Variants in ITPR1 observed in about 807,000 individuals in gnomAD.
ITPR1 encodes inositol 1,4,5-trisphosphate receptor type 1, also known as inositol 1,4,5-trisphosphate-gated calcium channel ITPR1.
ITPR1 carries 96 observed loss-of-function variants against 318.4 expected under a neutral mutation model. The ratio of observed to expected loss-of-function variants is 0.30; its 90% CI spans 0.26 to 0.36. The LOEUF is 0.36. ITPR1 is among the 10% of genes least tolerant of loss of function. ITPR1 has a pLI of 1.00. For missense variants in ITPR1, 2,440 were observed against 3,460.2 expected, an observed-to-expected ratio of 0.71 and a Z score of 7.40; for synonymous variants, 1,312 against 1,289.9, an observed-to-expected ratio of 1.02 and a Z score of -0.37.
intron 46 of ITPR1, among the ~76,000 whole-genome samples, chr3:4,769,952 G>A (rs2046079958): frequency 2.0e-5 from 3 of 152,192 alleles, no homozygotes. Flanking sequence ...GCTTTTGCCT[G>A]GGTTTGTTGC....
chr3:4,560,070 A>G (rs930787461), intron 4 of ITPR1, among the ~76,000 whole-genome samples: 1 of 152,222 alleles, frequency 6.6e-6, no homozygotes, highest in East Asian at 1.9e-4. Flanking sequence ...AATGGAGAAA[A>G]TAGTCCTGGC....
chr3:4,637,311 C>A (rs2125145165), intron 5 of ITPR1, among the ~76,000 whole-genome samples: 1 of 152,302 alleles, frequency 6.6e-6, no homozygotes, highest in South Asian at 2.1e-4. Flanking sequence ...AGCCTTCATT[C>A]CAAATGGATG....
chr3:4,532,237 G>C (rs749631142), intron 4 of ITPR1, among the ~76,000 whole-genome samples: 14 of 152,202 alleles, frequency 9.2e-5, no homozygotes, highest in Non-Finnish European at 2.1e-4. Flanking sequence ...AATGAATGAA[G>C]AGAGACCTCT....
At chr3:4,808,573 G>A (rs1363325195) in intron 55 of ITPR1, among the ~76,000 whole-genome samples, 1 of 152,158 alleles carries the variant, frequency 6.6e-6, no homozygotes, top group Non-Finnish European at 1.5e-5. Flanking sequence ...CTTTGCGGGG[G>A]GATTTTCTAA....
At chr3:4,774,817 G>A (rs753313967) in intron 46 of ITPR1, among the ~76,000 whole-genome samples, 5 of 152,206 alleles carry the variant, frequency 3.3e-5, no homozygotes, top group Admixed American at 6.5e-5. Flanking sequence ...TGTCCCTAGT[G>A]CTGGGCTCCG....
intron 4 of ITPR1, among the ~76,000 whole-genome samples, chr3:4,569,840 C>G (rs919822556): frequency 3.3e-5 from 5 of 152,164 alleles, no homozygotes; most frequent in African/African-American, 1.2e-4. Flanking sequence ...TTTTGAAGAG[C>G]AGTTGTTGAA....
intron 42 of ITPR1, among the ~76,000 whole-genome samples, chr3:4,732,330 A>G (rs1462551395): frequency 6.6e-6 from 1 of 152,236 alleles, no homozygotes; most frequent in African/African-American, 2.4e-5. Flanking sequence ...AAAAGGAGTC[A>G]GAAAGGTTTT....
chr3:4,708,952 T>C (rs765109457), intron 37 of ITPR1, among the ~76,000 whole-genome samples: 2 of 152,234 alleles, frequency 1.3e-5, no homozygotes, highest in Non-Finnish European at 2.9e-5. Context: ...CTGAATGCTA[T>C]ACATTTGACA....
rs2050062985 is a variant in ITPR1 at position 4,826,157 on chromosome 3, C to A, written c.8028+7915C>A. On this transcript the variant is annotated intron_variant, in intron 60 of 61. Coordinates refer to ENST00000649015, the MANE Select transcript of ITPR1 (RefSeq NM_001378452.1). This position sits in a 1 kb window ranked among gnomAD's most constrained non-coding sequence, Gnocchi z 4.2. Reference sequence around the variant, plus strand: ...GCTGTTGATAAAGTGCCGTGGACACCTTCTGCTTCGTGCAGATGCACGATG... The same window carrying A: ...GCTGTTGATAAAGTGCCGTGGACACATTCTGCTTCGTGCAGATGCACGATG... 6.6e-6 allele frequency among the ~76,000 whole-genome samples: 1 copy of A among 152,250 alleles called. No homozygotes were observed. The highest frequency in any genetic ancestry group is 6.5e-5 in the Admixed American group (1 of 15,290).
Position 4,518,162 on chromosome 3 carries a change from C to T in ITPR1, c.92+1579C>T, listed in dbSNP as rs550321716. ...CTTCCTTGTCTGCCCGCAGCTCTCC[C>T]TCCTCCTTGACTGTGCACAGCCCCT... On this transcript the variant is annotated intron_variant, in intron 3 of 61. Coordinates refer to ENST00000649015, the MANE Select transcript of ITPR1 (RefSeq NM_001378452.1). 1.1e-4 allele frequency among the ~76,000 whole-genome samples: 16 copies of T among 152,276 alleles called. No homozygotes were observed. The South Asian group carries it at 3.1e-3, about 30-fold the overall frequency.
intron 53 of ITPR1, among the ~76,000 whole-genome samples, chr3:4,798,760 A>G (rs1383382316): frequency 1.3e-5 from 2 of 152,266 alleles, no homozygotes; most frequent in African/African-American, 4.8e-5. Context: ...TAAAAAGTAC[A>G]AAGTATCAAT....
At chr3:4,627,903 A>G in intron 5 of ITPR1, 25 bp downstream of exon 5, 2 of 1,473,524 alleles carry the variant, frequency 1.4e-6, no homozygotes, top group Non-Finnish European at 1.9e-6. Context: ...GGGGCTGTCG[A>G]TGGGGCAGTA....
At chr3:4,777,145 C>T in intron 47 of ITPR1, 119 bp from the exon 48 acceptor site, 2 of 613,194 alleles carry the variant, frequency 3.3e-6, no homozygotes, top group Non-Finnish European at 5.8e-6. Context: ...GCAGCTCTCC[C>T]CTAGAGACAT....
intron 49 of ITPR1, among the ~76,000 whole-genome samples, chr3:4,781,163 C>T (rs1336726517): frequency 3.3e-5 from 5 of 152,192 alleles, no homozygotes; most frequent in Admixed American, 1.3e-4. Context: ...TTGTCTCCAC[C>T]GTTACTTCCA....
intron 11 of ITPR1, among the ~76,000 whole-genome samples, chr3:4,653,022 G>A (rs1447858928): frequency 2.6e-5 from 4 of 152,166 alleles, no homozygotes; most frequent in East Asian, 1.9e-4. Flanking sequence ...TTGAGGAGAC[G>A]AAAGACTCAA....
chr3:4,641,767 C>G (rs1335100096), intron 6 of ITPR1, among the ~76,000 whole-genome samples: 1 of 152,232 alleles, frequency 6.6e-6, no homozygotes, highest in Admixed American at 6.5e-5. Context: ...AGTTCCTTAG[C>G]CCGTTCACAT....
chr3:4,792,315 A>G lies in ITPR1; in HGVS notation c.6809-2750A>G, dbSNP rs534128362. On this transcript the variant is annotated intron_variant, in intron 52 of 61. Transcript: ENST00000649015. ...AAGTTCTAATGATTCACATGTCAAC[A>G]TGTTGGAGGGGGGCACGTTATTTGG... 3.9e-5 allele frequency among the ~76,000 whole-genome samples: 6 copies of G among 152,334 alleles called. No homozygotes were observed. The South Asian group carries it at 1.2e-3, about 32-fold the overall frequency.
chr3:4,784,552 G>A (rs1421919440), intron 51 of ITPR1, among the ~76,000 whole-genome samples: 2 of 150,632 alleles, frequency 1.3e-5, no homozygotes, highest in South Asian at 4.2e-4. Context: ...ATTACAATCA[G>A]ATCTGTGTTT....
chr3:4,682,573 A>G (rs1192236210), intron 26 of ITPR1, among the ~76,000 whole-genome samples: 1 of 152,206 alleles, frequency 6.6e-6, no homozygotes, highest in East Asian at 1.9e-4. Context: ...ATGTACTATG[A>G]TGGAAGATGT....
Sources: gnomAD v4.1 joint callset for allele counts (sites outside exome capture counted in the v4.1 genomes callset) on GRCh38, gnomAD v4.1.1 for gene constraint, Gnocchi (gnomAD v3.1) non-coding constraint, MANE v1.5 for transcripts, NCBI Gene and HGNC (gene_info 2026-07-23, HGNC 2026-07-21) for gene names.